Variants in OPCML observed in about 807,000 individuals in gnomAD.
OPCML encodes opioid binding protein/cell adhesion molecule like, also known as opioid-binding protein/cell adhesion molecule.
A neutral mutation model predicts 37.8 loss-of-function variants in OPCML; 13 were observed. That is an observed-to-expected ratio of 0.34 (90% CI 0.22 to 0.55). The LOEUF (loss-of-function observed/expected upper bound fraction) is 0.55. Ranked by LOEUF, OPCML falls within the 20% of genes least tolerant of loss-of-function variation. The pLI, the probability that OPCML is intolerant of heterozygous loss-of-function variation, is 0.91. For missense variants in OPCML, 341 were observed against 435.6 expected, an observed-to-expected ratio of 0.78 and a Z score of 1.93; for synonymous variants, 176 against 168.8, an observed-to-expected ratio of 1.04 and a Z score of -0.33.
chr11:132,813,606 G>C (rs1162453743), intron 2 of OPCML, among the ~76,000 whole-genome samples: 1 of 152,146 alleles, frequency 6.6e-6, no homozygotes, highest in African/African-American at 2.4e-5. Context: ...TAATTGGAGA[G>C]AACCTCTTTA....
chr11:132,719,458 G>A (rs1944604762), intron 2 of OPCML, among the ~76,000 whole-genome samples: 1 of 152,276 alleles, frequency 6.6e-6, no homozygotes, highest in South Asian at 2.1e-4. Context: ...GGTACAAAGG[G>A]CTTTCCCTTA....
At chr11:133,060,649 C>G (rs1276541060) in intron 1 of OPCML, among the ~76,000 whole-genome samples, 4 of 152,230 alleles carry the variant, frequency 2.6e-5, no homozygotes, top group Non-Finnish European at 5.9e-5. Flanking sequence ...GGTGAGAAAA[C>G]AGGCCTCTTA....
At chr11:133,187,570 T>C (rs1592085469) in intron 1 of OPCML, among the ~76,000 whole-genome samples, 1 of 152,098 alleles carries the variant, frequency 6.6e-6, no homozygotes, top group Admixed American at 6.5e-5. Context: ...CTTCTACCTT[T>C]CTGCTTCACC....
intron 2 of OPCML, among the ~76,000 whole-genome samples, chr11:132,939,716 C>T (rs1945511933): frequency 6.6e-6 from 1 of 152,174 alleles, no homozygotes; most frequent in African/African-American, 2.4e-5. Context: ...GCTTAATAGA[C>T]ACCAGCTGAC....
intron 1 of OPCML, among the ~76,000 whole-genome samples, chr11:133,388,476 T>C (rs558398979): frequency 6.6e-6 from 1 of 152,228 alleles, no homozygotes; most frequent in East Asian, 1.9e-4. Context: ...GTGGGAACAG[T>C]ATGGGGACAA....
intron 2 of OPCML, among the ~76,000 whole-genome samples, chr11:132,835,187 C>T (rs12801762): frequency 0.067 from 10,170 of 152,212 alleles, 388 homozygotes; most frequent in Non-Finnish European, 0.076. Context: ...CAGTGAAGAG[C>T]CTCCTTGGCA....
chr11:133,409,064 G>A (rs1342402278), intron 1 of OPCML, among the ~76,000 whole-genome samples: 2 of 152,194 alleles, frequency 1.3e-5, no homozygotes, highest in Non-Finnish European at 2.9e-5. Context: ...CCTGAGCAAA[G>A]AACAGGCAGC....
intron 1 of OPCML, among the ~76,000 whole-genome samples, chr11:133,189,254 T>C (rs1938210521): frequency 6.6e-6 from 1 of 152,204 alleles, no homozygotes; most frequent in African/African-American, 2.4e-5. Flanking sequence ...AAAAATATGA[T>C]TTTCCATTAA....
chr11:133,067,249 C>G (rs1282925829), intron 1 of OPCML: 1 of 152,132 alleles, frequency 6.6e-6, no homozygotes. Flanking sequence ...GAGATGAAGT[C>G]ACTGTCATTT....
rs1187165408 is a variant in OPCML, at chr11:132,943,414, T to G, written c.62-404A>C. The G allele has an allele frequency of 1.2e-5, 5 of 404,394 alleles. No individual in the cohort carries two copies. Among genetic ancestry groups the G allele is most frequent in the African/African-American group, 8.0e-5 (4 of 50,302 alleles). The allele number at this position is 404,394 out of a possible 1,614,324, so 25.1% of individuals were successfully genotyped here. On this transcript the variant is annotated intron_variant, in intron 1 of 7. Transcript: ENST00000524381. This position sits in a 1 kb window ranked among gnomAD's most constrained non-coding sequence, Gnocchi z 4.3. ...AGGTGCGGGGATGAAGGTCACAGAT[T>G]GCGCTTTCTCTGCCTCTCTCTTCGA...
At chr11:133,065,562 C>T (rs1948428840) in intron 1 of OPCML, 3 of 152,304 alleles carry the variant, frequency 2.0e-5, no homozygotes, top group African/African-American at 7.2e-5. Context: ...ACACACCTGG[C>T]TCTAGCGGGC....
chr11:132,507,593 CA>C (rs143748226), intron 4 of OPCML, among the ~76,000 whole-genome samples: 30,023 of 151,298 alleles, frequency 0.2, 3,043 homozygotes, highest in Non-Finnish European at 0.22. Flanking sequence ...TTAAAAACAA[CA>C]AAAATTTTTT....
intron 2 of OPCML, among the ~76,000 whole-genome samples, chr11:132,832,759 G>A (rs1940769355): frequency 6.6e-6 from 1 of 152,114 alleles, no homozygotes; most frequent in South Asian, 2.1e-4. Context: ...AAATGGCATA[G>A]CCTACTGCAC....
rs548745646 is a variant in OPCML, at chr11:133,001,178, G to A, written c.62-58168C>T. Among the ~76,000 whole-genome samples the A allele has an allele frequency of 5.3e-5, 8 of 152,290 alleles. No homozygotes were observed. In the South Asian group the frequency reaches 1.7e-3, roughly 32 times the overall value. ...CTGACTGACACATGGTTGGACAGGG[G>A]TCTTTAAAAAGAAACAATAATAATA... On this transcript the variant is annotated intron_variant, in intron 1 of 7. Coordinates refer to ENST00000524381, the MANE Select transcript of OPCML (RefSeq NM_001012393.5).
chr11:132,762,342 C>T (rs1241282267), intron 2 of OPCML, among the ~76,000 whole-genome samples: 1 of 152,222 alleles, frequency 6.6e-6, no homozygotes. Flanking sequence ...GAGCCCTGTC[C>T]TGGGACATCC....
rs1332091923 is a variant in OPCML, at chr11:133,206,448, C to T, written c.62-263438G>A. Among the ~76,000 whole-genome samples the T allele has an allele frequency of 6.6e-6, 1 of 152,136 alleles. No homozygotes were observed. The highest frequency in any genetic ancestry group is 1.5e-5 in the Non-Finnish European group (1 of 68,028). ...TATAAAAACTATATGATCAAAGGCC[C>T]TTTCAGCTCTTGAACTGCTGGATTC... On this transcript the variant is annotated intron_variant, in intron 1 of 7. Transcript: ENST00000524381. The surrounding 1 kb of genome is among the most constrained non-coding windows in gnomAD (Gnocchi z 4.7).
intron 4 of OPCML, among the ~76,000 whole-genome samples, chr11:132,476,876 C>T (rs142512490): frequency 1.3e-5 from 2 of 152,198 alleles, no homozygotes; most frequent in Admixed American, 1.3e-4. Context: ...AAAAGTGTTA[C>T]TTCCATGAAT....
intron 1 of OPCML, among the ~76,000 whole-genome samples, chr11:133,275,747 G>C (rs1941974803): frequency 6.6e-6 from 1 of 152,166 alleles, no homozygotes; most frequent in African/African-American, 2.4e-5. Context: ...ACCCAGAAAG[G>C]CGCCTGGCAC....
At chr11:132,716,378 C>A (rs548785861) in intron 2 of OPCML, among the ~76,000 whole-genome samples, 1 of 149,854 alleles carries the variant, frequency 6.7e-6, no homozygotes, top group Non-Finnish European at 1.5e-5. Context: ...GTCTGTCTGT[C>A]TATCTGTCTA....
Sources: allele counts gnomAD v4.1 joint callset (sites outside exome capture counted in the v4.1 genomes callset), GRCh38; gene constraint gnomAD v4.1.1; non-coding constraint Gnocchi (gnomAD v3.1); transcripts MANE v1.5; gene names NCBI Gene and HGNC (gene_info 2026-07-23, HGNC 2026-07-21).